The following FAAP24 variants were observed in gnomAD, a reference collection of about 807,000 sequenced individuals.
FAAP24 encodes the protein Fanconi anemia core complex-associated protein 24.
Under a neutral mutation model 14.3 loss-of-function variants are expected in FAAP24, and 16 were observed. That is an observed-to-expected ratio of 1.12 (90% CI 0.76 to 1.69). The LOEUF (loss-of-function observed/expected upper bound fraction) is 1.69. Ranked by LOEUF, FAAP24 falls within the 40% of genes most tolerant of loss-of-function variation. The pLI is 0.00. For synonymous variants in FAAP24, 111 were observed against 106.2 expected, an observed-to-expected ratio of 1.04 and a Z score of -0.28; for missense variants, 234 against 262.7, an observed-to-expected ratio of 0.89 and a Z score of 0.75.
At chr19:32,972,608 G>T (rs974045160) in intron 1 of FAAP24, among the ~76,000 whole-genome samples, 1 of 151,662 alleles carries the variant, frequency 6.6e-6, no homozygotes, top group African/African-American at 2.4e-5. Context: ...ATCTGATCGT[G>T]CCTCTGGCCT....
In FAAP24 at chr19:32,977,756, T is replaced by TA. The variant is rs1971539761; in HGVS notation, c.*1079dup. On this transcript the variant is annotated 3_prime_UTR_variant, in exon 5 of 5. Transcript: ENST00000588258. ...CGACATGGTGAAGCCCTGTCTCTAC[T>TA]AAAAATACAAAAATTAGCTGGGTGT... is the stretch of plus-strand genomic sequence containing the variant. 4.4e-6 allele frequency: 1 copy of TA among 229,798 alleles called. No homozygotes were observed. The highest frequency in any genetic ancestry group is 8.3e-6 in the Non-Finnish European group (1 of 119,938). 14.2% of individuals were successfully genotyped at this position (229,798 alleles called of 1,614,324 possible). A position where few individuals can be genotyped will look rare whatever the true frequency, so the allele number is the denominator to read the frequency against.
At chr19:32,975,338 T>A (rs1299098261) in intron 4 of FAAP24, among the ~76,000 whole-genome samples, 4 of 150,740 alleles carry the variant, frequency 2.7e-5, no homozygotes, top group Non-Finnish European at 4.4e-5. Flanking sequence ...CCCGGCTAAT[T>A]TTTGTATTTT....
intron 4 of FAAP24, among the ~76,000 whole-genome samples, chr19:32,975,272 C>A (rs533597441): frequency 6.6e-6 from 1 of 151,062 alleles, no homozygotes; most frequent in Admixed American, 6.6e-5. Flanking sequence ...TGGGTTCAAG[C>A]GATTCTCCTG....
At chr19:32,972,927 G>T (rs1971457021) in intron 1 of FAAP24, among the ~76,000 whole-genome samples, 1 of 151,776 alleles carries the variant, frequency 6.6e-6, no homozygotes, top group African/African-American at 2.4e-5. Context: ...TCTTGGCCAG[G>T]CTGGTCTTGA....
At chr19:32,975,973 T>C (rs6510315) in intron 4 of FAAP24, among the ~76,000 whole-genome samples, 150,134 of 152,330 alleles carry the variant, frequency 0.99, 73,989 homozygotes, top group Middle Eastern at 1. Flanking sequence ...CCCTCTCTAC[T>C]ATATCCCTTG....
At chr19:32,976,092 G>A (rs1374992219) in intron 4 of FAAP24, among the ~76,000 whole-genome samples, 2 of 152,184 alleles carry the variant, frequency 1.3e-5, no homozygotes, top group Non-Finnish European at 1.5e-5. Context: ...CAGCTCCTGC[G>A]TGAAGTAGGC....
At chr19:32,975,517 T>C (rs1349413496) in intron 4 of FAAP24, among the ~76,000 whole-genome samples, 4 of 148,142 alleles carry the variant, frequency 2.7e-5, no homozygotes, top group African/African-American at 1.0e-4. Context: ...TGGAGTGCAA[T>C]GATGCAGTCT....
chr19:32,977,343 G>T lies in FAAP24; in HGVS notation c.*661G>T. The T allele has an allele frequency of 2.5e-6, 1 of 398,690 alleles. No individual in the cohort carries two copies. The highest frequency in any genetic ancestry group is 4.4e-5 in the Admixed American group (1 of 22,720). 24.7% of individuals were successfully genotyped at this position (398,690 alleles called of 1,614,324 possible). On this transcript the variant is annotated 3_prime_UTR_variant, in exon 5 of 5. Transcript: ENST00000588258. ...TGCCTTCTAAAAAGCTTCAGTGGTG[G>T]ATGTGACCATCTGAAGGAAACAAAT...
intron 1 of FAAP24, among the ~76,000 whole-genome samples, chr19:32,972,710 C>CTTTTTTTTTTTTTTTTTTTTT (rs377681596): frequency 3.1e-5 from 4 of 128,592 alleles, no homozygotes; most frequent in African/African-American, 9.2e-5. Context: ...TTTTCTTTTT[C>CTTTTTTTTTTTTTTTTTTTTT]TTTTCTTTTT....
In FAAP24 at chr19:32,974,058, A is replaced by G. The variant is rs1971484624; in HGVS notation, c.244-2A>G. On this transcript the variant is annotated splice_acceptor_variant, in intron 3 of 4. Transcript: ENST00000588258. LOFTEE classifies it high-confidence loss of function. ...TGACTTACTGTCTTTTTTCCTTTCAAGTCCAATAATCTTAAAGGAATTGTA... is the reference window on the plus strand; with the variant it reads ...TGACTTACTGTCTTTTTTCCTTTCAGGTCCAATAATCTTAAAGGAATTGTA... 6.2e-7 allele frequency: 1 copy of G among 1,612,194 alleles called. No individual in the cohort carries two copies. Among genetic ancestry groups the G allele is most frequent in the Admixed American group, 1.7e-5 (1 of 59,376 alleles).
intron 4 of FAAP24, 102 bp from the exon 5 acceptor site, chr19:32,976,329 G>C: frequency 7.0e-7 from 1 of 1,434,328 alleles, no homozygotes; most frequent in Non-Finnish European, 9.4e-7. Context: ...CTTAAGTCAA[G>C]CTGAGCCAAA....
chr19:32,974,028 C>G (rs1187096893), intron 3 of FAAP24, 32 bp from the exon 4 acceptor site: 2 of 1,611,776 alleles, frequency 1.2e-6, no homozygotes, highest in Non-Finnish European at 1.7e-6. Flanking sequence ...AATTTGGTTG[C>G]AAAATGACTT....
chr19:32,978,109 G>C lies in FAAP24; in HGVS notation c.*1427G>C, dbSNP rs74257344. 0.16 allele frequency: 23,707 copies of C among 151,970 alleles called. 1,968 individuals carry two copies. The highest frequency in any genetic ancestry group is 0.18 in the East Asian group (924 of 5,144). 9.4% of individuals were successfully genotyped at this position (151,970 alleles called of 1,614,324 possible). Reference sequence around the variant, plus strand: ...CCATTCAAAAAATAGACACAGGCCAGGCACAGTGGCTCACACCTGTAGTCC... The same window carrying C: ...CCATTCAAAAAATAGACACAGGCCACGCACAGTGGCTCACACCTGTAGTCC... On this transcript the variant is annotated 3_prime_UTR_variant, in exon 5 of 5. Transcript: ENST00000588258.
intron 4 of FAAP24, among the ~76,000 whole-genome samples, chr19:32,975,115 G>A (rs1224836090): frequency 5.4e-5 from 8 of 149,090 alleles, no homozygotes; most frequent in African/African-American, 9.9e-5. Flanking sequence ...CTCATGATCC[G>A]CCCACCTTGG....
intron 3 of FAAP24, 63 bp from the exon 4 acceptor site, chr19:32,973,997 A>G: frequency 2.6e-6 from 4 of 1,537,020 alleles, no homozygotes; most frequent in Non-Finnish European, 3.6e-6. Flanking sequence ...ACGAAGTGAT[A>G]GCATTCTTAA....
In FAAP24 at chr19:32,977,694, G is replaced by A; in HGVS notation, c.*1012G>A. 2.9e-6 allele frequency: 1 copy of A among 344,148 alleles called. No homozygotes were observed. Among genetic ancestry groups the A allele is most frequent in the Non-Finnish European group, 5.2e-6 (1 of 192,800 alleles). The allele number at this position is 344,148 out of a possible 1,614,324, so 21.3% of individuals were successfully genotyped here. A position where few individuals can be genotyped will look rare whatever the true frequency, so the allele number is the denominator to read the frequency against. On this transcript the variant is annotated 3_prime_UTR_variant, in exon 5 of 5. Transcript: ENST00000588258. ...CCAGCACTTTGGGAGGCCAAGGGGG[G>A]TGAATCACAAGGTCAGGAGATCCAG...
chr19:32,973,305 C>T lies in FAAP24; in HGVS notation c.106+3C>T, dbSNP rs1443806282. On this transcript the variant is annotated splice_donor_region_variant and intron_variant, in intron 2 of 4. Coordinates refer to ENST00000588258, the MANE Select transcript of FAAP24 (RefSeq NM_152266.5). ...ACAGCTGGCGCAGGAGATGCAAGGT[C>T]GGTGGCCTGCCCTCTGCCAGCCCTT... The T allele has an allele frequency of 8.7e-6, 14 of 1,613,796 alleles. No individual in the cohort carries two copies. The highest frequency in any genetic ancestry group is 1.7e-5 in the Admixed American group (1 of 59,984).
Position 32,973,385 on chromosome 19 carries a change from T to A in FAAP24, c.107-41T>A, listed in dbSNP as rs987176140. On this transcript the variant is annotated intron_variant, in intron 2 of 4. Transcript: ENST00000588258. ...TCTGCCTATTATTGCCATCTTTTCA[T>A]CCAAAGCTTATGGAACTCATTTTCT... is the stretch of plus-strand genomic sequence containing the variant. 5.6e-6 allele frequency: 9 copies of A among 1,604,956 alleles called. No individual in the cohort carries two copies. In the Admixed American group the frequency reaches 6.9e-5, roughly 12 times the overall value.
intron 4 of FAAP24, among the ~76,000 whole-genome samples, chr19:32,976,213 C>T (rs938489194): frequency 2.0e-5 from 3 of 152,210 alleles, no homozygotes; most frequent in Admixed American, 1.3e-4. Flanking sequence ...TCTGAAAACG[C>T]ACATTTTTGT....
Sources: allele counts gnomAD v4.1 joint callset (sites outside exome capture counted in the v4.1 genomes callset), GRCh38; gene constraint gnomAD v4.1.1; transcripts MANE v1.5; gene names NCBI Gene and HGNC (gene_info 2026-07-23, HGNC 2026-07-21).